COL4A2: variants seen among roughly 807,000 people sequenced by gnomAD.
COL4A2 encodes collagen type IV alpha 2 chain, also known as collagen alpha-2(IV) chain.
In COL4A2, 99 loss-of-function variants were observed where a neutral mutation model predicts 200.2. The observed-to-expected ratio is 0.49, with a 90% confidence interval of 0.42 to 0.58. COL4A2 has a LOEUF of 0.58. Ranked by LOEUF, COL4A2 falls within the 20% of genes least tolerant of loss-of-function variation. The probability of loss-of-function intolerance (pLI) is 0.00; values close to 1 mark genes in which losing one functional copy is unlikely to be tolerated. For missense variants in COL4A2, 1,950 were observed against 2,314.1 expected, an observed-to-expected ratio of 0.84 and a Z score of 3.23; for synonymous variants, 897 against 900.6, an observed-to-expected ratio of 1.00 and a Z score of 0.07.
At chr13:110,499,554 T>C (rs1883574311) in intron 40 of COL4A2, among the ~76,000 whole-genome samples, 1 of 152,184 alleles carries the variant, frequency 6.6e-6, no homozygotes, top group Non-Finnish European at 1.5e-5. Flanking sequence ...AGCCAAACCG[T>C]ATCACAGCTC....
intron 4 of COL4A2, among the ~76,000 whole-genome samples, chr13:110,385,944 TGGGCCGTGGTC>T (rs1256051904): frequency 5.5e-5 from 7 of 127,836 alleles, no homozygotes; most frequent in Non-Finnish European, 8.3e-5. Flanking sequence ...AGCGTGTGGA[TGGGCCGTGGTC>T]ACAGCGTGTG....
intron 27 of COL4A2, among the ~76,000 whole-genome samples, chr13:110,468,679 C>T (rs552793138): frequency 2.6e-5 from 4 of 152,310 alleles, no homozygotes; most frequent in African/African-American, 9.6e-5. Flanking sequence ...TCCCAAGAGG[C>T]GCCAGGAACG....
chr13:110,359,254 A>G (rs1353112958), intron 4 of COL4A2, among the ~76,000 whole-genome samples: 1 of 152,226 alleles, frequency 6.6e-6, no homozygotes, highest in Admixed American at 6.5e-5. Flanking sequence ...ATGTTCAATC[A>G]AAGTGATTGA....
chr13:110,388,939 C>T (rs1488734877), intron 4 of COL4A2, among the ~76,000 whole-genome samples: 1 of 152,208 alleles, frequency 6.6e-6, no homozygotes, highest in Non-Finnish European at 1.5e-5. Context: ...CCACTCCTCA[C>T]GGTCTGCCCT....
intron 3 of COL4A2, among the ~76,000 whole-genome samples, chr13:110,333,389 G>T (rs1350233139): frequency 6.6e-6 from 1 of 152,160 alleles, no homozygotes; most frequent in Admixed American, 6.5e-5. Flanking sequence ...AGCCTACTTC[G>T]TCCAAGCCAG....
intron 18 of COL4A2, among the ~76,000 whole-genome samples, chr13:110,448,161 G>T (rs1881399934): frequency 6.6e-6 from 1 of 152,184 alleles, no homozygotes; most frequent in African/African-American, 2.4e-5. Context: ...AGAGCCATGA[G>T]CCCACTTTGA....
intron 4 of COL4A2, among the ~76,000 whole-genome samples, chr13:110,375,940 A>G (rs1878220284): frequency 1.3e-5 from 2 of 152,172 alleles, no homozygotes; most frequent in South Asian, 4.1e-4. Flanking sequence ...CTGCAGAAGC[A>G]TTTCCTGGGC....
rs753982315 is a variant in COL4A2 at position 110,432,375 on chromosome 13, G to T, written c.684+15G>T. ...AAGGACAGCAAGTAAGTTGGTTTTG[G>T]GGGGTGAGGATGAGGGAAGGGGGTA... On this transcript the variant is annotated intron_variant, in intron 11 of 47. Coordinates refer to ENST00000360467, the MANE Select transcript of COL4A2 (RefSeq NM_001846.4). The T allele has an allele frequency of 5.6e-6, 9 of 1,603,844 alleles. No homozygotes were observed. Among genetic ancestry groups the T allele is most frequent in the South Asian group, 2.2e-5 (2 of 89,478 alleles).
At chr13:110,481,993 T>TGTTCTGTCCCTCCGTGC (rs1882948304) in intron 31 of COL4A2, among the ~76,000 whole-genome samples, 2 of 91,282 alleles carry the variant, frequency 2.2e-5, no homozygotes, top group African/African-American at 8.2e-5. Flanking sequence ...TGGAGACACA[T>TGTTCTGTCCCTCCGTGC]TGGTCGGTCC....
chr13:110,424,230 T>G (rs1241408469), intron 4 of COL4A2, among the ~76,000 whole-genome samples: 1 of 151,056 alleles, frequency 6.6e-6, no homozygotes, highest in Non-Finnish European at 1.5e-5. Flanking sequence ...CTATTTAGTG[T>G]GGACAAACAT....
chr13:110,469,930 A>G (rs55944042), intron 28 of COL4A2, among the ~76,000 whole-genome samples: 1 of 108,868 alleles, frequency 9.2e-6, no homozygotes, highest in Non-Finnish European at 1.8e-5. Flanking sequence ...TTTTTTTTTT[A>G]ATGAAATGGA....
chr13:110,463,709 A>C (rs1882124252), intron 24 of COL4A2, among the ~76,000 whole-genome samples: 1 of 151,954 alleles, frequency 6.6e-6, no homozygotes, highest in South Asian at 2.1e-4. Context: ...ATATTTTTAA[A>C]ATTTTCTGTA....
At chr13:110,375,594 C>A (rs1434628356) in intron 4 of COL4A2, among the ~76,000 whole-genome samples, 2 of 152,078 alleles carry the variant, frequency 1.3e-5, no homozygotes, top group African/African-American at 4.8e-5. Context: ...CTTTGGGAGA[C>A]CAAGGTGGGC....
Position 110,439,685 on chromosome 13 carries a change from C to T in COL4A2, c.913-104C>T. 1.9e-6 allele frequency: 3 copies of T among 1,573,862 alleles called. No individual in the cohort carries two copies. The South Asian group carries it at 3.5e-5, about 18-fold the overall frequency. The stretch of plus-strand genomic sequence containing the variant: ...GGACCTGAGACTTGTTCAATCTGTC[C>T]ATCGGCATTTTGCTGTGATCACAGC... On this transcript the variant is annotated intron_variant, in intron 15 of 47. Transcript: ENST00000360467.
At chr13:110,452,612 TTTAAC>T (rs1417810758) in intron 20 of COL4A2, among the ~76,000 whole-genome samples, 3 of 152,220 alleles carry the variant, frequency 2.0e-5, no homozygotes, top group African/African-American at 7.2e-5. Context: ...AAAGTAAAAT[TTTAAC>T]TTAATATGCT....
At position 110,376,962 on chromosome 13, in the gene COL4A2, A is replaced by G. The variant is rs565354277; in HGVS notation, c.180+19410A>G. Among the ~76,000 whole-genome samples, 11 of 152,306 alleles carry G rather than the reference A, an allele frequency of 7.2e-5. No homozygotes were observed. In the South Asian group the frequency reaches 2.1e-3, roughly 29 times the overall value. On this transcript the variant is annotated intron_variant, in intron 4 of 47. Coordinates refer to ENST00000360467, the MANE Select transcript of COL4A2 (RefSeq NM_001846.4). Reference sequence around the variant, plus strand: ...GTTATCTTTCTTGCTGAGATATGGAACTAGACCTGTCTTCACTCAGTGATC... The same window carrying G: ...GTTATCTTTCTTGCTGAGATATGGAGCTAGACCTGTCTTCACTCAGTGATC...
At chr13:110,495,213 C>T in intron 39 of COL4A2, 129 bp from the exon 40 acceptor site, 1 of 1,088,728 alleles carries the variant, frequency 9.2e-7, no homozygotes, top group Non-Finnish European at 1.4e-6. Flanking sequence ...TATTGCAATG[C>T]AAGCTGAAAT....
In COL4A2 at chr13:110,512,442, G is replaced by A. The variant is rs968507248; in HGVS notation, c.*251G>A. 7 of 594,944 alleles carry A rather than the reference G, an allele frequency of 1.2e-5. No homozygotes were observed. The highest frequency in any genetic ancestry group is 1.1e-4 in the South Asian group (5 of 45,470). 36.9% of individuals were successfully genotyped at this position (594,944 alleles called of 1,614,324 possible). A position where few individuals can be genotyped will look rare whatever the true frequency, so the allele number is the denominator to read the frequency against. Reference sequence around the variant, plus strand: ...CTGGCCCCCATCAGCCCTGCTAGACGCACCGCCTGAAGGCACAGCTAACCA... The same window carrying A: ...CTGGCCCCCATCAGCCCTGCTAGACACACCGCCTGAAGGCACAGCTAACCA... On this transcript the variant is annotated 3_prime_UTR_variant, in exon 48 of 48. Coordinates refer to ENST00000360467, the MANE Select transcript of COL4A2 (RefSeq NM_001846.4).
intron 4 of COL4A2, among the ~76,000 whole-genome samples, chr13:110,400,611 T>G (rs1879338546): frequency 1.3e-5 from 2 of 152,246 alleles, no homozygotes; most frequent in Non-Finnish European, 2.9e-5. Flanking sequence ...GACTATTAAT[T>G]ACATCATTTT....
Sources: allele counts gnomAD v4.1 joint callset (sites outside exome capture counted in the v4.1 genomes callset), GRCh38; gene constraint gnomAD v4.1.1; transcripts MANE v1.5; gene names NCBI Gene and HGNC (gene_info 2026-07-23, HGNC 2026-07-21).